SDK1: variants seen among roughly 807,000 people sequenced by gnomAD.
SDK1 encodes the protein protein sidekick-1.
In SDK1, 157 loss-of-function variants were observed where a neutral mutation model predicts 245.5. The ratio of observed to expected loss-of-function variants is 0.64; its 90% CI spans 0.56 to 0.73. SDK1 has a LOEUF of 0.73. Among genes scored for constraint, SDK1 ranks in the 30% least tolerant of loss-of-function variants. The probability of loss-of-function intolerance (pLI) is 0.00; values close to 1 mark genes in which losing one functional copy is unlikely to be tolerated. For missense variants in SDK1, 3,583 were observed against 3,002.3 expected (o/e 1.19, Z -4.52); for synonymous variants, 1,647 against 1,278.5 (o/e 1.29, Z -6.15).
chr7:4,094,572 G>A (rs1249876833), intron 22 of SDK1, among the ~76,000 whole-genome samples: 1 of 152,228 alleles, frequency 6.6e-6, no homozygotes, highest in East Asian at 1.9e-4. Flanking sequence ...CAGGAAAGAA[G>A]CAAGATACCA....
At chr7:4,092,497 A>G (rs1448426327) in intron 22 of SDK1, among the ~76,000 whole-genome samples, 2 of 152,212 alleles carry the variant, frequency 1.3e-5, no homozygotes, top group East Asian at 1.9e-4. Context: ...GGGGCCTCCT[A>G]TACCTCACCC....
At chr7:3,990,470 A>G (rs1468125897) in intron 14 of SDK1, among the ~76,000 whole-genome samples, 4 of 152,232 alleles carry the variant, frequency 2.6e-5, no homozygotes, top group Admixed American at 1.3e-4. Context: ...TTACTGATTC[A>G]GATAACTTCT....
At chr7:3,911,272 C>A (rs1779154591) in intron 5 of SDK1, among the ~76,000 whole-genome samples, 1 of 152,052 alleles carries the variant, frequency 6.6e-6, no homozygotes, top group South Asian at 2.1e-4. Context: ...GATCCTGTAC[C>A]CCCACTTTAG....
intron 13 of SDK1, among the ~76,000 whole-genome samples, chr7:3,982,299 C>T (rs1280878062): frequency 6.6e-6 from 1 of 152,288 alleles, no homozygotes; most frequent in South Asian, 2.1e-4. Flanking sequence ...TGCTTATGGA[C>T]AGTGCACCTT....
At chr7:4,244,098 G>A (rs1459278203) in intron 43 of SDK1, among the ~76,000 whole-genome samples, 1 of 152,136 alleles carries the variant, frequency 6.6e-6, no homozygotes, top group Non-Finnish European at 1.5e-5. Flanking sequence ...GGCACACCCT[G>A]GGGGAGACAA....
At chr7:4,222,001 C>A (rs998100866) in intron 40 of SDK1, among the ~76,000 whole-genome samples, 1 of 152,140 alleles carries the variant, frequency 6.6e-6, no homozygotes, top group Non-Finnish European at 1.5e-5. Flanking sequence ...ACAGAAAGCA[C>A]GGAACAGCTC....
At chr7:3,983,340 G>A (rs528273066) in intron 13 of SDK1, among the ~76,000 whole-genome samples, 1 of 152,132 alleles carries the variant, frequency 6.6e-6, no homozygotes, top group Non-Finnish European at 1.5e-5. Context: ...CTTCACTGCT[G>A]TCTCGTTTGA....
At chr7:3,684,111 C>T (rs889885419) in intron 4 of SDK1, among the ~76,000 whole-genome samples, 1 of 152,210 alleles carries the variant, frequency 6.6e-6, no homozygotes, top group Admixed American at 6.5e-5. Flanking sequence ...ATCCTCCATT[C>T]CCTGCTCAGC....
At chr7:3,989,555 G>C (rs1054922836) in intron 14 of SDK1, among the ~76,000 whole-genome samples, 1 of 152,140 alleles carries the variant, frequency 6.6e-6, no homozygotes, top group African/African-American at 2.4e-5. Flanking sequence ...TTCGGCCTGT[G>C]GTTGTCTCTG....
intron 5 of SDK1, among the ~76,000 whole-genome samples, chr7:3,879,548 G>A (rs1267546429): frequency 1.3e-5 from 2 of 152,184 alleles, no homozygotes; most frequent in Admixed American, 6.5e-5. Flanking sequence ...GGCAGAGAAG[G>A]TTCCAATTCT....
At chr7:3,613,840 C>G (rs1453194746) in intron 1 of SDK1, among the ~76,000 whole-genome samples, 1 of 152,132 alleles carries the variant, frequency 6.6e-6, no homozygotes, top group Non-Finnish European at 1.5e-5. Flanking sequence ...ATGGATGGAG[C>G]TGGAGGCCAT....
In SDK1 at chr7:3,738,305, C is replaced by G. The variant is rs116387021; in HGVS notation, c.714-83145C>G. 5.4e-3 allele frequency among the ~76,000 whole-genome samples: 820 copies of G among 152,296 alleles called. 6 individuals are homozygous for G. The highest frequency in any genetic ancestry group is 0.019 in the African/African-American group (771 of 41,566). On this transcript the variant is annotated intron_variant, in intron 4 of 44. Coordinates refer to ENST00000404826, the MANE Select transcript of SDK1 (RefSeq NM_152744.4). ...CCCAATGCCATTTACTAGAGACTGT[C>G]CTTTATCCATTGAATGGTCTTGGCA...
intron 5 of SDK1, among the ~76,000 whole-genome samples, chr7:3,839,228 C>G (rs922360162): frequency 1.3e-5 from 2 of 152,192 alleles, no homozygotes; most frequent in Admixed American, 6.5e-5. Context: ...CCTCCTCTTC[C>G]TTGTTGCATT....
At chr7:4,192,477 G>C (rs1188700446) in intron 35 of SDK1, among the ~76,000 whole-genome samples, 1 of 152,096 alleles carries the variant, frequency 6.6e-6, no homozygotes, top group African/African-American at 2.4e-5. Context: ...GGGTTTCACT[G>C]TGTTAGCCAG....
At chr7:3,521,221 G>T (rs983656821) in intron 1 of SDK1, among the ~76,000 whole-genome samples, 4 of 152,122 alleles carry the variant, frequency 2.6e-5, no homozygotes, top group Admixed American at 1.3e-4. Flanking sequence ...CCATTCAAGG[G>T]AATCTTTTAC....
At chr7:4,186,503 G>T (rs915013403) in intron 35 of SDK1, among the ~76,000 whole-genome samples, 2 of 152,200 alleles carry the variant, frequency 1.3e-5, no homozygotes, top group African/African-American at 2.4e-5. Flanking sequence ...CTGTGGCCTC[G>T]TGGTTCCCTC....
chr7:3,882,034 A>G (rs1022157514), intron 5 of SDK1, among the ~76,000 whole-genome samples: 1 of 152,206 alleles, frequency 6.6e-6, no homozygotes, highest in Non-Finnish European at 1.5e-5. Flanking sequence ...GAGGCCTCAC[A>G]ATCATGGCGG....
At chr7:4,051,338 C>CCTT (rs1011020528) in intron 18 of SDK1, among the ~76,000 whole-genome samples, 1 of 146,226 alleles carries the variant, frequency 6.8e-6, no homozygotes, top group East Asian at 2.0e-4. Context: ...TGTTTTTTAA[C>CCTT]CTTCTTAAGT....
intron 8 of SDK1, 128 bp from the exon 9 acceptor site, chr7:3,962,529 G>C (rs1033070825): frequency 2.4e-6 from 2 of 825,024 alleles, no homozygotes; most frequent in Non-Finnish European, 3.7e-6. Flanking sequence ...TTATAGGGTG[G>C]TTGAAAGCAC....
Sources: gnomAD v4.1 joint callset for allele counts (sites outside exome capture counted in the v4.1 genomes callset) on GRCh38, gnomAD v4.1.1 for gene constraint, MANE v1.5 for transcripts, NCBI Gene and HGNC (gene_info 2026-07-23, HGNC 2026-07-21) for gene names.